The following SPTLC3 variants were observed in gnomAD, a reference collection of about 807,000 sequenced individuals.
SPTLC3 encodes serine palmitoyltransferase long chain base subunit 3, also known as serine palmitoyltransferase 3.
Under a neutral mutation model 59.3 loss-of-function variants are expected in SPTLC3, and 36 were observed. That is an observed-to-expected ratio of 0.61 (90% CI 0.47 to 0.80). SPTLC3 has a LOEUF of 0.80. Among genes scored for constraint, SPTLC3 ranks in the 30% least tolerant of loss-of-function variants. The probability of loss-of-function intolerance (pLI) is 0.00; values close to 1 mark genes in which losing one functional copy is unlikely to be tolerated. For missense variants in SPTLC3, 625 were observed against 685.1 expected (o/e 0.91, Z 0.98); for synonymous variants, 257 against 240.8 (o/e 1.07, Z -0.62).
intron 11 of SPTLC3, among the ~76,000 whole-genome samples, chr20:13,161,017 G>A (rs1048851090): frequency 6.6e-6 from 1 of 152,184 alleles, no homozygotes; most frequent in African/African-American, 2.4e-5. Flanking sequence ...GGAGAGGAAA[G>A]GGGCAAAAGG....
At chr20:13,161,526 C>T (rs2038895954) in intron 11 of SPTLC3, among the ~76,000 whole-genome samples, 3 of 152,070 alleles carry the variant, frequency 2.0e-5, no homozygotes, top group Admixed American at 6.6e-5. Flanking sequence ...ATACAGGAAT[C>T]GCAGGTGGGG....
At chr20:13,025,105 T>C (rs943468996) in intron 1 of SPTLC3, among the ~76,000 whole-genome samples, 2 of 152,220 alleles carry the variant, frequency 1.3e-5, no homozygotes, top group South Asian at 4.1e-4. Flanking sequence ...AAACTTCCTT[T>C]TCTGCGTGTC....
At chr20:13,159,737 C>T (rs968363896) in intron 10 of SPTLC3, among the ~76,000 whole-genome samples, 2 of 152,060 alleles carry the variant, frequency 1.3e-5, no homozygotes, top group African/African-American at 4.8e-5. Flanking sequence ...GTCAAAGACT[C>T]AATATCCACA....
At chr20:13,089,310 CTGTTA>C (rs1258477902) in intron 4 of SPTLC3, among the ~76,000 whole-genome samples, 9 of 152,256 alleles carry the variant, frequency 5.9e-5, no homozygotes, top group East Asian at 1.9e-4. Context: ...GTACATTTAT[CTGTTA>C]TGTTATATCA....
rs936598944 is a variant in SPTLC3 at position 13,160,088 on chromosome 20, C to T, written c.1501C>T (p.Arg501Trp). 1 of 1,613,750 alleles carries T rather than the reference C, an allele frequency of 6.2e-7. No homozygotes were observed. The highest frequency in any genetic ancestry group is 1.3e-5 in the African/African-American group (1 of 74,934). The stretch of plus-strand genomic sequence containing the variant: ...CACTCCCCTCGCAGAAGCTCGGGCT[C>T]GGTTTTGTGTTTCAGCGGCACATAC... ...PATPLAEARA[R>W]FCVSAAHTRE... Residue 501 changes from arginine to tryptophan, a missense_variant, in exon 11 of 12, where the codon CGG becomes TGG. Physicochemically the swap from Arg to Trp is moderately radical, Grantham distance 101. Coordinates refer to ENST00000399002, the MANE Select transcript of SPTLC3 (RefSeq NM_018327.4).
chr20:13,062,673 A>G (rs931796380), intron 2 of SPTLC3, among the ~76,000 whole-genome samples: 1 of 152,100 alleles, frequency 6.6e-6, no homozygotes, highest in Non-Finnish European at 1.5e-5. Context: ...TGTGCACTTA[A>G]CTACACTTAA....
intron 1 of SPTLC3, among the ~76,000 whole-genome samples, chr20:13,013,486 T>C (rs1985362130): frequency 6.6e-6 from 1 of 152,218 alleles, no homozygotes; most frequent in African/African-American, 2.4e-5. Context: ...TTTCAACTGC[T>C]CTGAGTCTTC....
chr20:13,129,801 C>T (rs931090662), intron 9 of SPTLC3, among the ~76,000 whole-genome samples: 1 of 152,184 alleles, frequency 6.6e-6, no homozygotes, highest in Admixed American at 6.5e-5. Context: ...TAATCATCTG[C>T]CATCAATTTT....
chr20:13,017,085 A>T (rs1985565264), intron 1 of SPTLC3, among the ~76,000 whole-genome samples: 2 of 152,152 alleles, frequency 1.3e-5, no homozygotes, highest in African/African-American at 4.8e-5. Context: ...TAGGCATGGG[A>T]TTCATACCCA....
At chr20:13,086,501 T>C (rs1989009123) in intron 4 of SPTLC3, among the ~76,000 whole-genome samples, 1 of 152,232 alleles carries the variant, frequency 6.6e-6, no homozygotes, top group Non-Finnish European at 1.5e-5. Flanking sequence ...ATCTGAGCTA[T>C]GAACACCAAA....
intron 6 of SPTLC3, among the ~76,000 whole-genome samples, 155 bp from the exon 7 acceptor site, chr20:13,109,957 C>T (rs1282125720): frequency 2.0e-5 from 3 of 152,150 alleles, no homozygotes; most frequent in South Asian, 4.1e-4. Flanking sequence ...GAAAAATAGA[C>T]CTCTGTCTCT....
intron 1 of SPTLC3, among the ~76,000 whole-genome samples, chr20:13,037,130 A>G (rs912440674): frequency 2.0e-4 from 31 of 152,110 alleles, no homozygotes; most frequent in Non-Finnish European, 4.4e-5. Context: ...GTCTGGAGAA[A>G]AACAGAGACA....
chr20:13,040,729 T>C (rs1376898523), intron 1 of SPTLC3, among the ~76,000 whole-genome samples: 1 of 151,988 alleles, frequency 6.6e-6, no homozygotes, highest in Admixed American at 6.6e-5. Flanking sequence ...AGTCACTTGC[T>C]TTCAGTCTGA....
At chr20:13,154,628 C>A (rs1028760832) in intron 10 of SPTLC3, among the ~76,000 whole-genome samples, 17 of 152,150 alleles carry the variant, frequency 1.1e-4, no homozygotes, top group African/African-American at 3.6e-4. Flanking sequence ...CAAAGTCACA[C>A]AAGTCAAACA....
At chr20:13,153,583 C>T (rs1458849489) in intron 9 of SPTLC3, among the ~76,000 whole-genome samples, 1 of 152,020 alleles carries the variant, frequency 6.6e-6, no homozygotes, top group Non-Finnish European at 1.5e-5. Context: ...GCCAATTCAG[C>T]TTAGCTAAAA....
intron 9 of SPTLC3, 77 bp from the exon 10 acceptor site, chr20:13,153,926 T>C (rs1214476530): frequency 6.4e-7 from 1 of 1,571,264 alleles, no homozygotes; most frequent in Non-Finnish European, 8.6e-7. Flanking sequence ...GACTTAAAGA[T>C]GCTTGCCAAG....
At chr20:13,094,850 C>T (rs1235514715) in intron 6 of SPTLC3, among the ~76,000 whole-genome samples, 1 of 152,160 alleles carries the variant, frequency 6.6e-6, no homozygotes, top group Admixed American at 6.5e-5. Context: ...CCAGAAGAGC[C>T]AAACTATGGC....
At chr20:13,062,542 A>G (rs1988015300) in intron 2 of SPTLC3, among the ~76,000 whole-genome samples, 1 of 152,238 alleles carries the variant, frequency 6.6e-6, no homozygotes, top group South Asian at 2.1e-4. Flanking sequence ...GGGTTAAGAC[A>G]AGCCCGAATG....
chr20:13,060,110 A>C (rs987969899), intron 2 of SPTLC3, among the ~76,000 whole-genome samples: 37 of 152,374 alleles, frequency 2.4e-4, no homozygotes, highest in African/African-American at 8.7e-4. Context: ...TAAGCTTTTA[A>C]AGAATTAAAA....
Sources: gnomAD v4.1 joint callset for allele counts (sites outside exome capture counted in the v4.1 genomes callset) on GRCh38, gnomAD v4.1.1 for gene constraint, MANE v1.5 for transcripts, NCBI Gene and HGNC (gene_info 2026-07-23, HGNC 2026-07-21) for gene names.